Variants in VPS13B observed in about 807,000 individuals in gnomAD.
VPS13B encodes the protein vacuolar protein sorting 13 homolog B.
Under a neutral mutation model 426.4 loss-of-function variants are expected in VPS13B, and 285 were observed. The ratio of observed to expected loss-of-function variants is 0.67; its 90% CI spans 0.61 to 0.74. The LOEUF is 0.74. Ranked by LOEUF, VPS13B falls within the 30% of genes least tolerant of loss-of-function variation. VPS13B has a pLI of 0.00. For missense variants in VPS13B, 4,537 were observed against 4,782.6 expected (o/e 0.95, Z 1.51); for synonymous variants, 1,676 against 1,676.4 (o/e 1.00, Z 0.01).
chr8:99,564,633 G>A (rs1030157474), intron 31 of VPS13B, among the ~76,000 whole-genome samples: 1 of 152,208 alleles, frequency 6.6e-6, no homozygotes, highest in African/African-American at 2.4e-5. Context: ...TTTAAAACAT[G>A]AAGACTTGCA....
At chr8:99,814,146 A>G (rs1813883765) in intron 44 of VPS13B, among the ~76,000 whole-genome samples, 1 of 152,204 alleles carries the variant, frequency 6.6e-6, no homozygotes, top group Non-Finnish European at 1.5e-5. Context: ...ATCTAAAAAT[A>G]GTGATAATAA....
At position 99,778,928 on chromosome 8, in the gene VPS13B, T is replaced by C. The variant is rs7833870; in HGVS notation, c.7676T>C (p.Val2559Ala). Residue 2559 changes from valine (V) to alanine (A), a missense_variant, in exon 42 of 62, where the codon GTG becomes GCG. By Grantham distance (64) the Val-to-Ala change is moderately conservative (BLOSUM62 0). Transcript: ENST00000357162. ...FGQMAVSSDV[V>A]EKLLDCTVIV... ...CAGATGGCAGTTTCCAGCGATGTAG[T>C]GGAAAAGCTGCTTGACTGCACCGTG... 0.05 allele frequency: 80,833 copies of C among 1,613,848 alleles called. 3,150 individuals carry two copies. The highest frequency in any genetic ancestry group is 0.21 in the African/African-American group (15,702 of 74,970).
At chr8:99,506,999 T>C in intron 27 of VPS13B, 138 bp from the exon 28 acceptor site, 2 of 844,564 alleles carry the variant, frequency 2.4e-6, no homozygotes, top group Middle Eastern at 3.2e-4. Flanking sequence ...AATTGTTCTA[T>C]TGATTGCATT....
chr8:99,692,830 C>A (rs1479708084), intron 35 of VPS13B, among the ~76,000 whole-genome samples: 1 of 145,910 alleles, frequency 6.9e-6, no homozygotes, highest in Non-Finnish European at 1.5e-5. Flanking sequence ...AGAGAAGAAT[C>A]AAATAGACAC....
rs534778820 is a variant in VPS13B at position 99,226,093 on chromosome 8, C to T, written c.2515+33036C>T. Among the ~76,000 whole-genome samples the T allele has an allele frequency of 5.3e-5, 8 of 152,112 alleles. No individual in the cohort carries two copies. In the South Asian group the frequency reaches 1.7e-3, roughly 32 times the overall value. On this transcript the variant is annotated intron_variant, in intron 17 of 61. Transcript: ENST00000357162. The stretch of plus-strand genomic sequence containing the variant: ...CCAAGTAGTTGGGACTACAGGTGCC[C>T]GCCACCATGCCCGGCTAATTTTTTG...
At chr8:99,641,253 A>G (rs986967754) in intron 33 of VPS13B, among the ~76,000 whole-genome samples, 1 of 152,220 alleles carries the variant, frequency 6.6e-6, no homozygotes, top group African/African-American at 2.4e-5. Flanking sequence ...GAAAATAAAC[A>G]TCTTTTGAAA....
chr8:99,471,050 A>AAT (rs1819376474), intron 24 of VPS13B, among the ~76,000 whole-genome samples: 2 of 152,110 alleles, frequency 1.3e-5, no homozygotes, highest in African/African-American at 4.8e-5. Context: ...AACCTAGTGA[A>AAT]GATACCCCAC....
intron 54 of VPS13B, among the ~76,000 whole-genome samples, chr8:99,845,221 C>G (rs1286724945): frequency 6.6e-6 from 1 of 152,050 alleles, no homozygotes; most frequent in African/African-American, 2.4e-5. Context: ...CTATCATAAG[C>G]CTAGAACTTA....
intron 39 of VPS13B, among the ~76,000 whole-genome samples, chr8:99,742,946 AT>A (rs1809834530): frequency 1.3e-5 from 2 of 152,178 alleles, no homozygotes; most frequent in Non-Finnish European, 2.9e-5. Flanking sequence ...CACCACTCCT[AT>A]TCAACATAAT....
chr8:99,526,312 G>A (rs1245662044), intron 30 of VPS13B, among the ~76,000 whole-genome samples: 1 of 152,158 alleles, frequency 6.6e-6, no homozygotes, highest in Non-Finnish European at 1.5e-5. Context: ...TTATTGAGTA[G>A]TTGATTTTGT....
At chr8:99,346,025 G>A (rs1231512588) in intron 19 of VPS13B, 1 of 153,958 alleles carries the variant, frequency 6.5e-6, no homozygotes, top group Non-Finnish European at 1.4e-5. Flanking sequence ...CAGGCAGGTG[G>A]GCAGGCAGAG....
At chr8:99,459,225 A>G (rs1173739433) in intron 23 of VPS13B, among the ~76,000 whole-genome samples, 1 of 152,158 alleles carries the variant, frequency 6.6e-6, no homozygotes, top group Non-Finnish European at 1.5e-5. Context: ...ATTAATATAT[A>G]TGCCAGTTAC....
chr8:99,702,870 T>G (rs1209334089), intron 36 of VPS13B, among the ~76,000 whole-genome samples: 1 of 152,122 alleles, frequency 6.6e-6, no homozygotes, highest in Non-Finnish European at 1.5e-5. Flanking sequence ...GGAGCCGAAA[T>G]AGATTTGTAA....
chr8:99,565,765 A>G (rs1406695957), intron 31 of VPS13B, among the ~76,000 whole-genome samples: 1 of 152,172 alleles, frequency 6.6e-6, no homozygotes, highest in African/African-American at 2.4e-5. Flanking sequence ...TTAAATTTTC[A>G]ACCTGAAAAA....
intron 40 of VPS13B, among the ~76,000 whole-genome samples, chr8:99,772,403 G>A (rs1444045862): frequency 6.6e-6 from 1 of 152,080 alleles, no homozygotes; most frequent in African/African-American, 2.4e-5. Context: ...ACTTACATGA[G>A]ATCCCAAGAG....
At chr8:99,726,134 T>A (rs1833340182) in intron 39 of VPS13B, among the ~76,000 whole-genome samples, 1 of 152,184 alleles carries the variant, frequency 6.6e-6, no homozygotes, top group Admixed American at 6.5e-5. Flanking sequence ...ATGAAAAATA[T>A]AAACATGAAA....
chr8:99,263,110 G>A (rs973068768), intron 17 of VPS13B, among the ~76,000 whole-genome samples: 2 of 151,998 alleles, frequency 1.3e-5, no homozygotes, highest in African/African-American at 4.8e-5. Context: ...AGCTTTGCAA[G>A]GCTTGTAACA....
intron 22 of VPS13B, among the ~76,000 whole-genome samples, chr8:99,434,044 G>A (rs1004784016): frequency 6.6e-6 from 1 of 152,084 alleles, no homozygotes; most frequent in Non-Finnish European, 1.5e-5. Flanking sequence ...CTGACCTCAG[G>A]CGATCTGCCT....
chr8:99,713,593 A>G (rs1023788440), intron 36 of VPS13B, among the ~76,000 whole-genome samples: 6 of 152,176 alleles, frequency 3.9e-5, no homozygotes, highest in Non-Finnish European at 2.9e-5. Flanking sequence ...AGAGAGAGAG[A>G]CAAAGATATG....
Sources: gnomAD v4.1 joint callset for allele counts (sites outside exome capture counted in the v4.1 genomes callset) on GRCh38, gnomAD v4.1.1 for gene constraint, MANE v1.5 for transcripts, NCBI Gene and HGNC (gene_info 2026-07-23, HGNC 2026-07-21) for gene names.